Variants in NWD1 observed in about 807,000 individuals in gnomAD.
The protein encoded by NWD1 is NACHT domain- and WD repeat-containing protein 1.
Under a neutral mutation model 135.1 loss-of-function variants are expected in NWD1, and 129 were observed. The observed-to-expected ratio is 0.96, with a 90% CI of 0.83 to 1.11. NWD1 has a LOEUF of 1.11. Ranked by LOEUF, NWD1 falls within the 50% of genes least tolerant of loss-of-function variation. NWD1 has a pLI of 0.00. For synonymous variants in NWD1, 773 were observed against 786.0 expected (o/e 0.98, Z 0.28); for missense variants, 1,740 against 1,851.3 (o/e 0.94, Z 1.10).
chr19:16,738,677 A>G (rs1967940203), intron 4 of NWD1, among the ~76,000 whole-genome samples: 1 of 147,228 alleles, frequency 6.8e-6, no homozygotes. Flanking sequence ...GACTGTAACA[A>G]GGGCTTTGGG....
chr19:16,731,346 C>T (rs1006645164), intron 3 of NWD1, 68 bp downstream of exon 3: 21 of 976,480 alleles, frequency 2.2e-5, no homozygotes, highest in East Asian at 5.3e-5. Flanking sequence ...CTTGCTCTGT[C>T]GCCAGGCTGG....
At chr19:16,779,255 T>G (rs2122990915) in intron 11 of NWD1, 88 bp from the exon 12 acceptor site, 1 of 1,470,728 alleles carries the variant, frequency 6.8e-7, no homozygotes, top group South Asian at 1.1e-5. Context: ...GTCTTATCTG[T>G]GAAGTGGGGG....
At chr19:16,730,217 G>A (rs1159483261) in intron 2 of NWD1, among the ~76,000 whole-genome samples, 3 of 152,208 alleles carry the variant, frequency 2.0e-5, no homozygotes, top group South Asian at 4.1e-4. Context: ...AGCTACTTGG[G>A]AGGCTGAGGC....
intron 17 of NWD1, among the ~76,000 whole-genome samples, chr19:16,805,002 A>C (rs1173713039): frequency 2.0e-5 from 3 of 149,558 alleles, no homozygotes; most frequent in African/African-American, 4.9e-5. Context: ...GAGACTTTAA[A>C]ATTTTTAAAA....
chr19:16,791,566 T>A lies in NWD1; in HGVS notation c.3157T>A (p.Ser1053Thr). Residue 1053 changes from serine (S) to threonine (T), a missense_variant, in exon 14 of 19, where the codon TCA becomes ACA. Physicochemically the swap from Ser to Thr is moderately conservative, Grantham distance 58. Transcript: ENST00000524140. ...IKEETPTCAV[S>T]VQKQGKLVTG... ...AGAAGAAACACCTACCTGTGCCGTC[T>A]CAGTCCAGAAGCAAGGAAAGCTTGT... 6.2e-7 allele frequency: 1 copy of A among 1,614,190 alleles called. No homozygotes were observed. Among genetic ancestry groups the A allele is most frequent in the Non-Finnish European group, 8.5e-7 (1 of 1,180,024 alleles).
intron 6 of NWD1, among the ~76,000 whole-genome samples, chr19:16,756,854 G>C (rs1021556506): frequency 6.6e-6 from 1 of 152,064 alleles, no homozygotes; most frequent in East Asian, 1.9e-4. Flanking sequence ...ATTACCACCC[G>C]AGCTCCCCCT....
At chr19:16,812,151 T>C (rs1399921031) in intron 18 of NWD1, among the ~76,000 whole-genome samples, 1 of 151,570 alleles carries the variant, frequency 6.6e-6, no homozygotes, top group African/African-American at 2.4e-5. Context: ...CTACTAAAAA[T>C]ACAAAAATTA....
chr19:16,764,985 C>A (rs774625523), intron 9 of NWD1, 49 bp from the exon 10 acceptor site: 5 of 1,593,856 alleles, frequency 3.1e-6, no homozygotes, highest in Non-Finnish European at 4.3e-6. Context: ...CCAGGATGAA[C>A]TGGAGGGAGG....
chr19:16,730,342 A>C (rs533755915), intron 2 of NWD1, among the ~76,000 whole-genome samples: 7 of 151,832 alleles, frequency 4.6e-5, no homozygotes, highest in Non-Finnish European at 1.0e-4. Flanking sequence ...TAACAAAAAA[A>C]CAAAAAAAAA....
intron 16 of NWD1, 141 bp downstream of exon 16, chr19:16,798,027 G>T: frequency 2.7e-6 from 2 of 734,422 alleles, no homozygotes; most frequent in Non-Finnish European, 4.6e-6. Context: ...GGAGGATATG[G>T]GGGTGTATCC....
chr19:16,720,203 C>T lies in NWD1; in HGVS notation c.-195C>T, dbSNP rs995600787. 1.3e-5 allele frequency: 2 copies of T among 152,176 alleles called. No individual in the cohort carries two copies. The highest frequency in any genetic ancestry group is 1.3e-4 in the Admixed American group (2 of 15,252). 9.4% of individuals were successfully genotyped at this position (152,176 alleles called of 1,614,324 possible). ...GAGCACCTACTATGTGCCAGGCACG[C>T]CAGCCTTACCAGACAAGATCCTTGG... On this transcript the variant is annotated 5_prime_UTR_variant, in exon 1 of 19. Transcript: ENST00000524140.
intron 2 of NWD1, among the ~76,000 whole-genome samples, chr19:16,726,055 C>A (rs1215404589): frequency 6.6e-6 from 1 of 151,750 alleles, no homozygotes; most frequent in African/African-American, 2.4e-5. Context: ...CTCTGCCTCC[C>A]AGGTTCAAGT....
chr19:16,810,063 C>G (rs1054085470), intron 18 of NWD1, among the ~76,000 whole-genome samples: 10 of 152,064 alleles, frequency 6.6e-5, no homozygotes, highest in Non-Finnish European at 1.5e-4. Context: ...GTGTGTTTTG[C>G]TCACTGAAGT....
chr19:16,723,856 C>T (rs1023496474), intron 1 of NWD1, among the ~76,000 whole-genome samples: 8 of 151,944 alleles, frequency 5.3e-5, no homozygotes, highest in Admixed American at 3.9e-4. Flanking sequence ...CCGTCATGCC[C>T]GGCTAATTTT....
At chr19:16,741,513 C>T (rs906159325) in intron 4 of NWD1, among the ~76,000 whole-genome samples, 2 of 151,448 alleles carry the variant, frequency 1.3e-5, no homozygotes, top group African/African-American at 4.8e-5. Context: ...TTACAGGCAC[C>T]TACCACCATG....
chr19:16,793,685 T>C (rs1445828963), intron 14 of NWD1, among the ~76,000 whole-genome samples: 2 of 151,608 alleles, frequency 1.3e-5, no homozygotes, highest in African/African-American at 4.8e-5. Flanking sequence ...CAAGCGATTC[T>C]CCTGCCTCCG....
In NWD1 at chr19:16,805,120, G is replaced by A. The variant is rs184972578; in HGVS notation, c.3737-2466G>A. On this transcript the variant is annotated intron_variant, in intron 17 of 18. Transcript: ENST00000524140. ...GTCACCCAGGCTGGAGTGCAGTGGC[G>A]TGATCTCAGTTCACTGCAACCTCCG... Among the ~76,000 whole-genome samples the A allele has an allele frequency of 3.2e-3, 482 of 151,608 alleles. 2 individuals are homozygous for A. Among genetic ancestry groups the A allele is most frequent in the African/African-American group, 0.011 (458 of 41,332 alleles).
At chr19:16,730,570 A>G (rs1967518141) in intron 2 of NWD1, among the ~76,000 whole-genome samples, 1 of 152,110 alleles carries the variant, frequency 6.6e-6, no homozygotes, top group African/African-American at 2.4e-5. Context: ...AAAAAAATAT[A>G]TATGGCTGTG....
intron 10 of NWD1, 145 bp from the exon 11 acceptor site, chr19:16,772,981 A>G: frequency 1.5e-6 from 1 of 687,934 alleles, no homozygotes; most frequent in Non-Finnish European, 2.6e-6. Flanking sequence ...GCAGAGAAGG[A>G]GACAGGAGCG....
Sources: allele counts gnomAD v4.1 joint callset (sites outside exome capture counted in the v4.1 genomes callset), GRCh38; gene constraint gnomAD v4.1.1; transcripts MANE v1.5; gene names NCBI Gene and HGNC (gene_info 2026-07-23, HGNC 2026-07-21).